Variants in UBAC2 observed in about 807,000 individuals in gnomAD.
UBAC2 encodes the protein UBA domain containing 2, also known as ubiquitin-associated domain-containing protein 2.
Under a neutral mutation model 44.0 loss-of-function variants are expected in UBAC2, and 26 were observed. That is an observed-to-expected ratio of 0.59 (90% confidence interval 0.43 to 0.82). UBAC2 has a LOEUF of 0.82. Ranked by LOEUF, UBAC2 falls within the 40% of genes least tolerant of loss-of-function variation. The pLI is 0.00. For synonymous variants in UBAC2, 155 were observed against 154.3 expected, an observed-to-expected ratio of 1.00 and a Z score of -0.04; for missense variants, 329 against 419.4, an observed-to-expected ratio of 0.78 and a Z score of 1.88.
intron 4 of UBAC2, among the ~76,000 whole-genome samples, chr13:99,262,963 G>A (rs562671174): frequency 6.6e-6 from 1 of 152,090 alleles, no homozygotes; most frequent in Non-Finnish European, 1.5e-5. Context: ...GTAATCAGAG[G>A]TGACTGTCAG....
intron 1 of UBAC2, chr13:99,215,391 C>A: frequency 2.4e-6 from 3 of 1,229,986 alleles, no homozygotes; most frequent in Non-Finnish European, 2.4e-6. Flanking sequence ...CTTCTGTTGT[C>A]CTTTCTTCCC....
At chr13:99,371,734 A>G (rs1410681515) in intron 8 of UBAC2, among the ~76,000 whole-genome samples, 1 of 152,232 alleles carries the variant, frequency 6.6e-6, no homozygotes. Context: ...AGCCAAGAAA[A>G]ATAGAAATTA....
At chr13:99,217,859 G>A (rs1053375985) in intron 1 of UBAC2, among the ~76,000 whole-genome samples, 17 of 152,256 alleles carry the variant, frequency 1.1e-4, no homozygotes, top group Middle Eastern at 6.8e-3. Flanking sequence ...AGCGTCCACC[G>A]AGCTCGTGCC....
At chr13:99,319,527 C>G (rs1362550757) in intron 6 of UBAC2, among the ~76,000 whole-genome samples, 1 of 152,174 alleles carries the variant, frequency 6.6e-6, no homozygotes, top group Non-Finnish European at 1.5e-5. Context: ...TTTCTGTGTT[C>G]ATTCTTTGCT....
chr13:99,237,869 C>T (rs1213400614), intron 1 of UBAC2, among the ~76,000 whole-genome samples: 19 of 152,092 alleles, frequency 1.2e-4, no homozygotes, highest in Non-Finnish European at 1.6e-4. Flanking sequence ...GCAGGAGAAT[C>T]GCTTGAACCT....
intron 5 of UBAC2, among the ~76,000 whole-genome samples, 193 bp from the exon 6 acceptor site, chr13:99,317,829 T>C (rs2044513306): frequency 6.6e-6 from 1 of 151,960 alleles, no homozygotes; most frequent in Non-Finnish European, 1.5e-5. Flanking sequence ...GATGTCTGAA[T>C]AAAAAAAATT....
chr13:99,351,891 G>A (rs2045097053), intron 7 of UBAC2: 1 of 394,166 alleles, frequency 2.5e-6, no homozygotes, highest in African/African-American at 2.1e-5. Flanking sequence ...TGCAAGGAAA[G>A]AAGCTACTGA....
chr13:99,340,836 A>G (rs1482376787), intron 7 of UBAC2, among the ~76,000 whole-genome samples: 1 of 152,156 alleles, frequency 6.6e-6, no homozygotes, highest in Admixed American at 6.6e-5. Context: ...AGAAACACCA[A>G]CCTAGTTAAC....
intron 4 of UBAC2, among the ~76,000 whole-genome samples, chr13:99,277,045 C>T (rs549197825): frequency 6.6e-6 from 1 of 152,280 alleles, no homozygotes; most frequent in Admixed American, 6.5e-5. Context: ...TTGGTTTTCT[C>T]AGGTTTGCCA....
chr13:99,314,250 C>G, intron 5 of UBAC2, 30 bp downstream of exon 5: 1 of 1,166,516 alleles, frequency 8.6e-7, no homozygotes, highest in Non-Finnish European at 1.2e-6. Context: ...GTTCACTTTT[C>G]TTTAACCAGA....
At chr13:99,256,978 G>C (rs2043573065) in intron 4 of UBAC2, among the ~76,000 whole-genome samples, 1 of 152,200 alleles carries the variant, frequency 6.6e-6, no homozygotes, top group Non-Finnish European at 1.5e-5. Context: ...CTATGGGGGA[G>C]ATTTGCTGTC....
chr13:99,351,858 G>T, intron 7 of UBAC2: 1 of 436,056 alleles, frequency 2.3e-6, no homozygotes, highest in Non-Finnish European at 4.7e-6. Flanking sequence ...TTAACTGGTT[G>T]ATTATCACCT....
chr13:99,284,255 GC>G (rs2043990753), intron 4 of UBAC2, among the ~76,000 whole-genome samples: 1 of 152,206 alleles, frequency 6.6e-6, no homozygotes, highest in Non-Finnish European at 1.5e-5. Flanking sequence ...GGGGGGAAGT[GC>G]CCCCATGAAT....
chr13:99,276,551 A>G (rs910975296), intron 4 of UBAC2, among the ~76,000 whole-genome samples: 1 of 152,198 alleles, frequency 6.6e-6, no homozygotes, highest in African/African-American at 2.4e-5. Flanking sequence ...TGGGCACCCC[A>G]CCCTCTCAGC....
chr13:99,267,673 G>A (rs1173161430), intron 4 of UBAC2, among the ~76,000 whole-genome samples: 1 of 152,184 alleles, frequency 6.6e-6, no homozygotes, highest in Non-Finnish European at 1.5e-5. Flanking sequence ...TATTATTATA[G>A]TCATTTGAAA....
At chr13:99,255,723 G>A in intron 4 of UBAC2, 1 of 1,613,686 alleles carries the variant, frequency 6.2e-7, no homozygotes, top group Non-Finnish European at 8.5e-7. Context: ...TCTTCTTGGT[G>A]GTACAACTGA....
chr13:99,330,796 T>C (rs116588080), intron 6 of UBAC2, among the ~76,000 whole-genome samples: 2,463 of 152,316 alleles, frequency 0.016, 60 homozygotes, highest in African/African-American at 0.056. Flanking sequence ...CACAAATCTT[T>C]TAGAGCTTCA....
intron 1 of UBAC2, among the ~76,000 whole-genome samples, chr13:99,211,558 C>T (rs2142655898): frequency 6.6e-6 from 1 of 152,258 alleles, no homozygotes; most frequent in Non-Finnish European, 1.5e-5. Context: ...AAGCAGTTTA[C>T]CTATATTGAC....
At chr13:99,381,613 A>G (rs1300563085) in intron 8 of UBAC2, among the ~76,000 whole-genome samples, 1 of 152,204 alleles carries the variant, frequency 6.6e-6, no homozygotes, top group African/African-American at 2.4e-5. Context: ...ATCTCCACCA[A>G]TGACAATGGT....
Sources: gnomAD v4.1 joint callset for allele counts (sites outside exome capture counted in the v4.1 genomes callset) on GRCh38, gnomAD v4.1.1 for gene constraint, MANE v1.5 for transcripts, NCBI Gene and HGNC (gene_info 2026-07-23, HGNC 2026-07-21) for gene names.